Variants in GLRB observed in about 807,000 individuals in gnomAD.
GLRB encodes the protein glycine receptor subunit beta.
GLRB carries 33 observed loss-of-function variants against 54.2 expected under a neutral mutation model. The observed-to-expected ratio is 0.61, with a 90% CI of 0.46 to 0.81. The LOEUF is 0.81. Among genes scored for constraint, GLRB ranks in the 40% least tolerant of loss-of-function variants. The pLI, the probability that GLRB is intolerant of heterozygous loss-of-function variation, is 0.00. For synonymous variants in GLRB, 209 were observed against 208.2 expected, an observed-to-expected ratio of 1.00 and a Z score of -0.03; for missense variants, 572 against 584.6, an observed-to-expected ratio of 0.98 and a Z score of 0.22.
intron 9 of GLRB, among the ~76,000 whole-genome samples, chr4:157,169,833 C>T (rs1198745523): frequency 2.0e-5 from 3 of 151,994 alleles, no homozygotes; most frequent in Non-Finnish European, 4.4e-5. Flanking sequence ...ATTGTCTGAG[C>T]GTGATTGGTT....
intron 2 of GLRB, among the ~76,000 whole-genome samples, chr4:157,108,486 T>A (rs992074875): frequency 6.6e-6 from 1 of 152,036 alleles, no homozygotes; most frequent in Non-Finnish European, 1.5e-5. Flanking sequence ...AGTGGAGGAA[T>A]TAACTGCAGA....
At chr4:157,126,273 AC>A (rs1423747467) in intron 4 of GLRB, among the ~76,000 whole-genome samples, 1 of 151,876 alleles carries the variant, frequency 6.6e-6, no homozygotes, top group Non-Finnish European at 1.5e-5. Context: ...ACTAGAAGTC[AC>A]CTCACATTAT....
At chr4:157,161,804 G>T (rs536493871) in intron 9 of GLRB, among the ~76,000 whole-genome samples, 1 of 152,104 alleles carries the variant, frequency 6.6e-6, no homozygotes, top group Non-Finnish European at 1.5e-5. Flanking sequence ...TGACAATTAT[G>T]TGTCTTGGAG....
Position 157,156,142 on chromosome 4 carries a change from G to T in GLRB, c.1197+3132G>T, listed in dbSNP as rs372539360. Among the ~76,000 whole-genome samples, 19 of 152,254 alleles carry T rather than the reference G, an allele frequency of 1.2e-4. No homozygotes were observed. In the East Asian group the frequency reaches 3.7e-3, roughly 29 times the overall value. On this transcript the variant is annotated intron_variant, in intron 9 of 9. Transcript: ENST00000264428. ...TTTCTCTAATTCTGTGAAAAATGAT[G>T]TTGGTGTTTTGATAGAAATTACATT...
intron 2 of GLRB, among the ~76,000 whole-genome samples, chr4:157,086,313 G>C (rs1257134717): frequency 6.6e-6 from 1 of 152,180 alleles, no homozygotes; most frequent in African/African-American, 2.4e-5. Flanking sequence ...ATAAGTTTTA[G>C]TTGAGAATAT....
intron 9 of GLRB, among the ~76,000 whole-genome samples, chr4:157,156,068 C>T (rs1560973798): frequency 6.6e-6 from 1 of 152,070 alleles, no homozygotes; most frequent in Non-Finnish European, 1.5e-5. Context: ...CTTATGATTG[C>T]TTTGGCTATT....
intron 9 of GLRB, among the ~76,000 whole-genome samples, chr4:157,168,394 TTATGAA>T: frequency 6.6e-6 from 1 of 152,318 alleles, no homozygotes; most frequent in Non-Finnish European, 1.5e-5. Context: ...CAATTGTTCC[TTATGAA>T]TATGTGTCTC....
At chr4:157,124,369 T>C (rs1735938392) in intron 4 of GLRB, among the ~76,000 whole-genome samples, 1 of 151,800 alleles carries the variant, frequency 6.6e-6, no homozygotes, top group Non-Finnish European at 1.5e-5. Context: ...GTCTGTTACT[T>C]TAATAGCTTC....
intron 1 of GLRB, 132 bp from the exon 2 acceptor site, chr4:157,077,864 G>C: frequency 1.7e-6 from 1 of 601,584 alleles, no homozygotes; most frequent in Admixed American, 2.9e-5. Context: ...TACCACATAG[G>C]ACTGAGCAAT....
At chr4:157,112,860 T>A (rs767226197) in intron 2 of GLRB, among the ~76,000 whole-genome samples, 1 of 151,920 alleles carries the variant, frequency 6.6e-6, no homozygotes, top group Non-Finnish European at 1.5e-5. Flanking sequence ...AGGAGCAAGC[T>A]CATTCCTGGA....
At position 157,157,397 on chromosome 4, in the gene GLRB, TTGTTACATA is replaced by T. The variant is rs1737273792; in HGVS notation, c.1197+4391_1197+4399del. Among the ~76,000 whole-genome samples the T allele has an allele frequency of 2.0e-5, 3 of 152,132 alleles. No individual in the cohort carries two copies. In the South Asian group the frequency reaches 6.2e-4, roughly 32 times the overall value. ...GGGTACATGTGCACAATGTGCAGGT[TTGTTACATA>T]TGTATACATGTGCCATGTTGGTGTG... On this transcript the variant is annotated intron_variant, in intron 9 of 9. Transcript: ENST00000264428.
intron 4 of GLRB, among the ~76,000 whole-genome samples, chr4:157,135,353 T>C (rs1428374010): frequency 4.6e-5 from 7 of 152,212 alleles, no homozygotes; most frequent in Non-Finnish European, 7.4e-5. Context: ...GGTGGTGATA[T>C]GGTTTGGCCA....
chr4:157,159,158 T>A (rs1331143673), intron 9 of GLRB, among the ~76,000 whole-genome samples: 3 of 152,198 alleles, frequency 2.0e-5, no homozygotes, highest in Non-Finnish European at 4.4e-5. Context: ...ATAGGAATGC[T>A]TGTGATTTTT....
At position 157,171,304 on chromosome 4, in the gene GLRB, G is replaced by T. The variant is rs1366923444; in HGVS notation, c.*576G>T. 2 of 152,272 alleles carry T rather than the reference G, an allele frequency of 1.3e-5. No individual in the cohort carries two copies. The highest frequency in any genetic ancestry group is 2.9e-5 in the Non-Finnish European group (2 of 67,866). 9.4% of individuals were successfully genotyped at this position (152,272 alleles called of 1,614,324 possible). ...TTGTAAAATCAGCTCGTTTTAAAGT[G>T]TGCTTGTGTTGTCAAAAATATCAGA... On this transcript the variant is annotated 3_prime_UTR_variant, in exon 10 of 10. Transcript: ENST00000264428.
Position 157,170,690 on chromosome 4 carries a change from T to C in GLRB, c.1456T>C (p.Leu486=). ...AAGAGCATTGTTTCCTTTCTGCTTC[T>C]TGTTCTTCAATGTTATATATTGGTC... ...YARALFPFCF[L]FFNVIYWSIY... The change falls in exon 10 of 10, where the codon TTG becomes CTG. Residue 486 remains leucine, a synonymous_variant. Transcript: ENST00000264428. 6.3e-7 allele frequency: 1 copy of C among 1,597,558 alleles called. No homozygotes were observed. Among genetic ancestry groups the C allele is most frequent in the Non-Finnish European group, 8.6e-7 (1 of 1,169,286 alleles).
chr4:157,153,457 A>T (rs1737104963), intron 9 of GLRB, among the ~76,000 whole-genome samples: 1 of 152,170 alleles, frequency 6.6e-6, no homozygotes, highest in East Asian at 1.9e-4. Context: ...ATCACCCACC[A>T]TTCCCCATTA....
At chr4:157,145,632 A>T (rs1736778275) in intron 8 of GLRB, among the ~76,000 whole-genome samples, 1 of 152,178 alleles carries the variant, frequency 6.6e-6, no homozygotes, top group African/African-American at 2.4e-5. Context: ...AATGCATTAA[A>T]ACACTTCTTA....
intron 2 of GLRB, among the ~76,000 whole-genome samples, chr4:157,080,983 A>G (rs1734201817): frequency 6.6e-6 from 1 of 152,124 alleles, no homozygotes; most frequent in Non-Finnish European, 1.5e-5. Flanking sequence ...ATATTCTAGG[A>G]TTTAATATTG....
intron 2 of GLRB, among the ~76,000 whole-genome samples, chr4:157,105,901 C>T (rs776090767): frequency 1.3e-5 from 2 of 151,862 alleles, no homozygotes; most frequent in South Asian, 2.1e-4. Flanking sequence ...ATCCTTAAAT[C>T]GAAAGTAGAT....
Sources: gnomAD v4.1 joint callset for allele counts (sites outside exome capture counted in the v4.1 genomes callset) on GRCh38, gnomAD v4.1.1 for gene constraint, MANE v1.5 for transcripts, NCBI Gene and HGNC (gene_info 2026-07-23, HGNC 2026-07-21) for gene names.